VIPR2: variants seen among roughly 807,000 people sequenced by gnomAD.
The protein encoded by VIPR2 is vasoactive intestinal polypeptide receptor 2.
A neutral mutation model predicts 58.0 loss-of-function variants in VIPR2; 48 were observed. The observed-to-expected ratio is 0.83, with a 90% CI of 0.66 to 1.05. The LOEUF is 1.05. VIPR2 is among the 50% of genes least tolerant of loss of function. The pLI is 0.00. For synonymous variants in VIPR2, 243 were observed against 235.2 expected, an observed-to-expected ratio of 1.03 and a Z score of -0.30; for missense variants, 534 against 558.0, an observed-to-expected ratio of 0.96 and a Z score of 0.43.
At chr7:159,034,091 C>T (rs1286874131) in intron 10 of VIPR2, 122 bp downstream of exon 10, 15 of 894,896 alleles carry the variant, frequency 1.7e-5, no homozygotes, top group South Asian at 6.4e-5. Flanking sequence ...GGCCCAGCCT[C>T]GAGGTGTGAC....
intron 5 of VIPR2, among the ~76,000 whole-genome samples, chr7:159,050,880 G>T (rs1854965202): frequency 6.6e-6 from 1 of 152,162 alleles, no homozygotes; most frequent in African/African-American, 2.4e-5. Context: ...GCTTTCAGAG[G>T]AAAAAAGACA....
At chr7:159,077,496 G>GT (rs78522600) in intron 4 of VIPR2, among the ~76,000 whole-genome samples, 2,681 of 148,716 alleles carry the variant, frequency 0.018, 68 homozygotes, top group East Asian at 0.08. Context: ...GTATTATAGT[G>GT]TAACTGTTAT....
intron 4 of VIPR2, among the ~76,000 whole-genome samples, chr7:159,082,532 T>C (rs1438725428): frequency 1.3e-5 from 2 of 152,318 alleles, no homozygotes; most frequent in African/African-American, 4.8e-5. Flanking sequence ...GATGAGTTAA[T>C]GGGTGCAGCA....
At chr7:159,102,708 C>A (rs1038126895) in intron 4 of VIPR2, among the ~76,000 whole-genome samples, 5 of 152,224 alleles carry the variant, frequency 3.3e-5, no homozygotes, top group Non-Finnish European at 7.3e-5. Flanking sequence ...AGAAGCCACA[C>A]CTCCAGGAGG....
At chr7:159,070,543 C>T (rs902525397) in intron 4 of VIPR2, among the ~76,000 whole-genome samples, 6 of 152,104 alleles carry the variant, frequency 3.9e-5, no homozygotes, top group African/African-American at 1.4e-4. Context: ...TTCATGGACG[C>T]TTAATAGGAT....
At chr7:159,035,098 G>A (rs906238575) in intron 8 of VIPR2, among the ~76,000 whole-genome samples, 4 of 152,326 alleles carry the variant, frequency 2.6e-5, no homozygotes, top group Non-Finnish European at 4.4e-5. Context: ...GATTTTCAGC[G>A]CATGGGGTGT....
chr7:159,103,012 C>T (rs1858394845), intron 4 of VIPR2, among the ~76,000 whole-genome samples: 1 of 152,204 alleles, frequency 6.6e-6, no homozygotes, highest in South Asian at 2.1e-4. Context: ...GCAGACGTAG[C>T]ACAGAGTGAG....
chr7:159,103,286 T>C (rs1858412964), intron 4 of VIPR2, among the ~76,000 whole-genome samples: 1 of 152,020 alleles, frequency 6.6e-6, no homozygotes, highest in South Asian at 2.1e-4. Context: ...ACAAGCTGGG[T>C]CTCTTAGTTG....
At chr7:159,082,093 G>C (rs1405048798) in intron 4 of VIPR2, among the ~76,000 whole-genome samples, 3 of 152,308 alleles carry the variant, frequency 2.0e-5, no homozygotes, top group Admixed American at 1.3e-4. Flanking sequence ...AATACCATTT[G>C]ACCCAGCCAT....
intron 2 of VIPR2, among the ~76,000 whole-genome samples, chr7:159,116,033 C>T (rs917776549): frequency 6.6e-6 from 1 of 152,210 alleles, no homozygotes; most frequent in Admixed American, 6.5e-5. Flanking sequence ...GGTCTTGTCC[C>T]CACCCTGCTA....
intron 4 of VIPR2, among the ~76,000 whole-genome samples, chr7:159,060,049 C>T (rs1464914544): frequency 6.6e-6 from 1 of 151,538 alleles, no homozygotes; most frequent in African/African-American, 2.4e-5. Flanking sequence ...CACTTACCCA[C>T]CACCCTCACC....
chr7:159,132,946 G>A (rs1406336149), intron 2 of VIPR2, among the ~76,000 whole-genome samples: 3 of 147,682 alleles, frequency 2.0e-5, no homozygotes, highest in Non-Finnish European at 4.5e-5. Flanking sequence ...TTGGCATACA[G>A]ATTGATTTCA....
chr7:159,122,105 G>A (rs1258894760), intron 2 of VIPR2, among the ~76,000 whole-genome samples: 1 of 152,196 alleles, frequency 6.6e-6, no homozygotes, highest in Non-Finnish European at 1.5e-5. Flanking sequence ...GCTTTTATGC[G>A]TGGAGTTCTA....
intron 5 of VIPR2, among the ~76,000 whole-genome samples, chr7:159,047,341 G>C (rs539933639): frequency 2.0e-5 from 3 of 152,298 alleles, no homozygotes; most frequent in Admixed American, 2.0e-4. Context: ...GTGTGGTTAA[G>C]AGAAACTCAC....
At chr7:159,064,976 C>T (rs1261917664) in intron 4 of VIPR2, among the ~76,000 whole-genome samples, 1 of 152,216 alleles carries the variant, frequency 6.6e-6, no homozygotes, top group Non-Finnish European at 1.5e-5. Context: ...ACCTGCCCAC[C>T]TTCCAGAAGC....
chr7:159,070,334 A>C (rs1585413171), intron 4 of VIPR2, among the ~76,000 whole-genome samples: 1 of 149,702 alleles, frequency 6.7e-6, no homozygotes, highest in South Asian at 2.1e-4. Flanking sequence ...TCTGGTTCTC[A>C]GCTCTTTTTT....
chr7:159,084,627 C>T (rs1360275939), intron 4 of VIPR2, among the ~76,000 whole-genome samples: 3 of 152,350 alleles, frequency 2.0e-5, no homozygotes, highest in Admixed American at 6.5e-5. Context: ...CCCCTGGCGG[C>T]GTGGCCTCAC....
At chr7:159,085,025 T>C (rs1857099571) in intron 4 of VIPR2, among the ~76,000 whole-genome samples, 1 of 152,170 alleles carries the variant, frequency 6.6e-6, no homozygotes, top group Admixed American at 6.5e-5. Context: ...TGTAAAAGCA[T>C]TAGCAAGTTG....
chr7:159,139,774 A>G (rs924469313), intron 2 of VIPR2, among the ~76,000 whole-genome samples: 48 of 152,348 alleles, frequency 3.2e-4, no homozygotes, highest in African/African-American at 1.1e-3. Context: ...ACGCGGGTGT[A>G]AGAATGATAT....
Sources: allele counts gnomAD v4.1 joint callset (sites outside exome capture counted in the v4.1 genomes callset), GRCh38; gene constraint gnomAD v4.1.1; transcripts MANE v1.5; gene names NCBI Gene and HGNC (gene_info 2026-07-23, HGNC 2026-07-21).